ERI3: variants seen among roughly 807,000 people sequenced by gnomAD.
ERI3 encodes ERI1 exoribonuclease 3.
In ERI3, 18 loss-of-function variants were observed where a neutral mutation model predicts 44.4. The observed-to-expected ratio is 0.41, with a 90% CI of 0.28 to 0.60. ERI3 has a LOEUF of 0.60. Ranked by LOEUF, ERI3 falls within the 20% of genes least tolerant of loss-of-function variation. ERI3 has a pLI of 0.36. For synonymous variants in ERI3, 183 were observed against 164.8 expected (o/e 1.11, Z -0.84); for missense variants, 294 against 435.5 (o/e 0.68, Z 2.89).
chr1:44,231,897 T>G (rs1272656994), intron 8 of ERI3, among the ~76,000 whole-genome samples: 1 of 152,176 alleles, frequency 6.6e-6, no homozygotes, highest in Non-Finnish European at 1.5e-5. Flanking sequence ...GGAAAAATAG[T>G]CCTTTATATT....
At chr1:44,317,695 C>T (rs161723) in intron 4 of ERI3, among the ~76,000 whole-genome samples, 86,379 of 151,596 alleles carry the variant, frequency 0.57, 26,416 homozygotes, top group East Asian at 0.74. Flanking sequence ...GGAATAAGCA[C>T]AACTCAATCT....
chr1:44,288,039 G>A (rs896238877), intron 6 of ERI3, among the ~76,000 whole-genome samples: 9 of 152,166 alleles, frequency 5.9e-5, no homozygotes, highest in Admixed American at 5.9e-4. Flanking sequence ...AATTTTAAGG[G>A]TAGACATAGC....
intron 8 of ERI3, among the ~76,000 whole-genome samples, chr1:44,237,773 C>A (rs1044964439): frequency 6.6e-6 from 1 of 152,204 alleles, no homozygotes; most frequent in African/African-American, 2.4e-5. Flanking sequence ...AAAATCCATA[C>A]GTCTCCAGGC....
intron 2 of ERI3, among the ~76,000 whole-genome samples, chr1:44,348,097 T>C (rs1294315485): frequency 2.6e-5 from 4 of 152,214 alleles, no homozygotes; most frequent in African/African-American, 9.7e-5. Flanking sequence ...CCAACTGCTC[T>C]GGAATTAGAA....
At chr1:44,329,838 C>G (rs1190915948) in intron 3 of ERI3, among the ~76,000 whole-genome samples, 2 of 152,198 alleles carry the variant, frequency 1.3e-5, no homozygotes, top group Non-Finnish European at 2.9e-5. Context: ...ATTCCATGCG[C>G]CACTCCTTAA....
chr1:44,302,731 C>T (rs556445057), intron 6 of ERI3, among the ~76,000 whole-genome samples: 2 of 152,312 alleles, frequency 1.3e-5, no homozygotes, highest in African/African-American at 4.8e-5. Context: ...GAGGCTCTGC[C>T]ACTCAGTGCA....
At chr1:44,294,842 C>G (rs1326493022) in intron 6 of ERI3, among the ~76,000 whole-genome samples, 4 of 152,230 alleles carry the variant, frequency 2.6e-5, no homozygotes, top group African/African-American at 9.6e-5. Context: ...TACAGTCTTC[C>G]CCTGGCCTGT....
intron 7 of ERI3, among the ~76,000 whole-genome samples, chr1:44,273,779 G>A (rs1406409210): frequency 6.6e-6 from 1 of 152,212 alleles, no homozygotes; most frequent in Non-Finnish European, 1.5e-5. Flanking sequence ...GGGTTTTGAA[G>A]GATGAACAGG....
At chr1:44,327,440 C>A (rs1267502572) in intron 3 of ERI3, among the ~76,000 whole-genome samples, 2 of 152,184 alleles carry the variant, frequency 1.3e-5, no homozygotes, top group African/African-American at 4.8e-5. Context: ...TACCTATAAG[C>A]CATTACATAT....
chr1:44,334,046 T>C (rs1028060868), intron 3 of ERI3, among the ~76,000 whole-genome samples: 4 of 152,188 alleles, frequency 2.6e-5, no homozygotes, highest in East Asian at 1.9e-4. Context: ...AAACAGTCAG[T>C]AGGGCTGCTG....
chr1:44,236,969 T>G (rs1334986007), intron 8 of ERI3, among the ~76,000 whole-genome samples: 1 of 152,126 alleles, frequency 6.6e-6, no homozygotes, highest in African/African-American at 2.4e-5. Context: ...GCCCACCTCC[T>G]CCAGGGACTC....
At chr1:44,273,479 T>C (rs1018839752) in intron 7 of ERI3, among the ~76,000 whole-genome samples, 5 of 152,232 alleles carry the variant, frequency 3.3e-5, no homozygotes, top group East Asian at 3.8e-4. Flanking sequence ...AGCAGAGGAA[T>C]AGGCATCCAG....
chr1:44,345,664 A>T (rs1557870539), intron 2 of ERI3, among the ~76,000 whole-genome samples: 2 of 152,216 alleles, frequency 1.3e-5, no homozygotes, highest in Admixed American at 1.3e-4. Flanking sequence ...AGCTAAAAAT[A>T]GCCTGGGAAA....
At chr1:44,304,402 T>C (rs1645791344) in intron 6 of ERI3, among the ~76,000 whole-genome samples, 1 of 152,056 alleles carries the variant, frequency 6.6e-6, no homozygotes, top group Admixed American at 6.6e-5. Context: ...AAATAAGTAT[T>C]AATATCTACC....
chr1:44,261,337 A>G (rs1644889889), intron 7 of ERI3, among the ~76,000 whole-genome samples: 1 of 152,232 alleles, frequency 6.6e-6, no homozygotes, highest in Non-Finnish European at 1.5e-5. Flanking sequence ...TATCAAGCTC[A>G]CGCAGGCCGC....
intron 3 of ERI3, chr1:44,322,828 G>C: frequency 6.5e-7 from 1 of 1,549,850 alleles, no homozygotes; most frequent in African/African-American, 1.4e-5. Context: ...CACCAAGTTG[G>C]CACAACTCTG....
intron 6 of ERI3, among the ~76,000 whole-genome samples, chr1:44,289,993 C>T (rs936216623): frequency 6.6e-6 from 1 of 152,248 alleles, no homozygotes. Context: ...TTCATGCTTT[C>T]ATCTCTTTAA....
intron 6 of ERI3, among the ~76,000 whole-genome samples, chr1:44,295,096 G>A (rs1645583217): frequency 1.3e-5 from 2 of 152,146 alleles, no homozygotes; most frequent in Admixed American, 1.3e-4. Context: ...AGACTTCTGG[G>A]CGGGCATTAG....
chr1:44,313,157 C>A lies in ERI3; in HGVS notation c.666+12G>T. 1 of 1,613,794 alleles carries A rather than the reference C, an allele frequency of 6.2e-7. No individual in the cohort carries two copies. The highest frequency in any genetic ancestry group is 1.1e-5 in the South Asian group (1 of 91,052). On this transcript the variant is annotated intron_variant, in intron 5 of 8. Transcript: ENST00000372257. ...GGGTCAGAGGTCAGGAATTAAAGGT[C>A]ACTCAACCTACCTCCAGCACTTGCT...
Sources: allele counts gnomAD v4.1 joint callset (sites outside exome capture counted in the v4.1 genomes callset), GRCh38; gene constraint gnomAD v4.1.1; transcripts MANE v1.5; gene names NCBI Gene and HGNC (gene_info 2026-07-23, HGNC 2026-07-21).